The following MTCL1 variants were observed in gnomAD, a reference collection of about 807,000 sequenced individuals.
MTCL1 encodes the protein microtubule cross-linking factor 1.
In MTCL1, 79 loss-of-function variants were observed where a neutral mutation model predicts 141.4. The ratio of observed to expected loss-of-function variants is 0.56; its 90% CI spans 0.47 to 0.67. The LOEUF (loss-of-function observed/expected upper bound fraction) is 0.67. Among genes scored for constraint, MTCL1 ranks in the 30% least tolerant of loss-of-function variants. The pLI is 0.00. For synonymous variants in MTCL1, 914 were observed against 875.8 expected, an observed-to-expected ratio of 1.04 and a Z score of -0.77; for missense variants, 2,177 against 2,113.9, an observed-to-expected ratio of 1.03 and a Z score of -0.59.
At chr18:8,730,663 T>C (rs2096245493) in intron 4 of MTCL1, among the ~76,000 whole-genome samples, 2 of 152,198 alleles carry the variant, frequency 1.3e-5, no homozygotes, top group Admixed American at 6.5e-5. Flanking sequence ...TGCCTTCTTT[T>C]TATTTCCTGT....
At chr18:8,747,666 G>C (rs940773057) in intron 4 of MTCL1, among the ~76,000 whole-genome samples, 2 of 152,208 alleles carry the variant, frequency 1.3e-5, no homozygotes, top group Admixed American at 6.5e-5. Flanking sequence ...ATATTCCCCA[G>C]CACTGGGGGT....
chr18:8,721,787 C>T (rs999441430), intron 4 of MTCL1, among the ~76,000 whole-genome samples: 3 of 152,188 alleles, frequency 2.0e-5, no homozygotes, highest in Admixed American at 6.5e-5. Context: ...GTCTTTTATC[C>T]GTCCCCTCCT....
intron 4 of MTCL1, among the ~76,000 whole-genome samples, chr18:8,769,984 A>G (rs181735114): frequency 1.4e-3 from 207 of 152,350 alleles, no homozygotes; most frequent in Non-Finnish European, 2.0e-3. Flanking sequence ...AACCATTCCT[A>G]TAATAGTCCT....
At chr18:8,754,259 C>T (rs138888442) in intron 4 of MTCL1, among the ~76,000 whole-genome samples, 2 of 152,200 alleles carry the variant, frequency 1.3e-5, no homozygotes, top group East Asian at 1.9e-4. Context: ...TTAATAGAGA[C>T]GGGGTTTCAC....
At chr18:8,716,672 A>C (rs889146663), upstream of MTCL1, among the ~76,000 whole-genome samples, 3 of 149,182 alleles carry the variant, frequency 2.0e-5, no homozygotes, top group Non-Finnish European at 4.4e-5. Flanking sequence ...GATTAGCATG[A>C]GTGGTAAAAA....
At chr18:8,707,424 A>G (rs1001081832) in intron 1 of MTCL1, 7 of 152,286 alleles carry the variant, frequency 4.6e-5, no homozygotes, top group African/African-American at 1.5e-4. Flanking sequence ...CGCCTGCTGC[A>G]CTCTCTGAGT....
At chr18:8,801,865 G>A (rs1339313218) in intron 10 of MTCL1, 1 of 152,204 alleles carries the variant, frequency 6.6e-6, no homozygotes, top group African/African-American at 2.4e-5. Flanking sequence ...ACAGCCCAGA[G>A]CCCTCCTGGA....
At chr18:8,710,901 T>TTTA (rs2096086780) in intron 1 of MTCL1, among the ~76,000 whole-genome samples, 1 of 134,126 alleles carries the variant, frequency 7.5e-6, no homozygotes, top group African/African-American at 2.7e-5. Context: ...TTTTTTTTTT[T>TTTA]ATTATACTTT....
chr18:8,751,052 C>T (rs2096368357), intron 4 of MTCL1, among the ~76,000 whole-genome samples: 1 of 152,110 alleles, frequency 6.6e-6, no homozygotes, highest in Non-Finnish European at 1.5e-5. Flanking sequence ...GGCAGCGGGC[C>T]CCCAGAAGGA....
intron 4 of MTCL1, among the ~76,000 whole-genome samples, chr18:8,751,074 G>A (rs1205448463): frequency 6.6e-6 from 1 of 152,176 alleles, no homozygotes; most frequent in Non-Finnish European, 1.5e-5. Flanking sequence ...CAGTGGGTGT[G>A]GGCATCTGAC....
intron 8 of MTCL1, among the ~76,000 whole-genome samples, chr18:8,793,798 C>T (rs756725478): frequency 1.3e-5 from 2 of 152,184 alleles, no homozygotes; most frequent in African/African-American, 4.8e-5. Context: ...GTCTTTAAAA[C>T]GAAACAAAGC....
chr18:8,825,363 A>G, exon 15 of MTCL1: 1 of 1,539,018 alleles, frequency 6.5e-7, no homozygotes, highest in African/African-American at 1.4e-5. Context: ...TGATGACATG[A>G]AGGAGGTGGC....
At chr18:8,714,289 A>G (rs1365176192), upstream of MTCL1, among the ~76,000 whole-genome samples, 1 of 152,174 alleles carries the variant, frequency 6.6e-6, no homozygotes, top group Admixed American at 6.5e-5. Context: ...TATCAACTGC[A>G]TAATGTGTTC....
At chr18:8,786,668 T>A (rs990018668) in intron 7 of MTCL1, 5 of 272,758 alleles carry the variant, frequency 1.8e-5, no homozygotes, top group Non-Finnish European at 2.9e-5. Context: ...GGAAGTGTTG[T>A]CAGCAGCCTG....
chr18:8,724,334 C>T (rs1256229403), intron 4 of MTCL1, among the ~76,000 whole-genome samples: 1 of 151,998 alleles, frequency 6.6e-6, no homozygotes, highest in Non-Finnish European at 1.5e-5. Context: ...TTGCTTGAAC[C>T]CAGGAGGCAG....
At chr18:8,735,669 T>C (rs1488607196) in intron 4 of MTCL1, among the ~76,000 whole-genome samples, 2 of 152,002 alleles carry the variant, frequency 1.3e-5, no homozygotes, top group Admixed American at 6.6e-5. Context: ...GGGGTGGAAG[T>C]TGAATGAAAG....
At chr18:8,793,083 A>C (rs915659828) in exon 8 of MTCL1, 6 of 1,614,194 alleles carry the variant, frequency 3.7e-6, no homozygotes, top group Middle Eastern at 1.7e-4. Flanking sequence ...AGACTGCATC[A>C]AGAGGAGACA....
chr18:8,724,091 A>G (rs116977091), intron 4 of MTCL1, among the ~76,000 whole-genome samples: 1,877 of 152,126 alleles, frequency 0.012, 22 homozygotes, highest in Non-Finnish European at 0.015. Context: ...ACAACACGAG[A>G]ATGTACTCAG....
chr18:8,792,060 C>T (rs1163725705), intron 7 of MTCL1, among the ~76,000 whole-genome samples: 1 of 152,176 alleles, frequency 6.6e-6, no homozygotes, highest in African/African-American at 2.4e-5. Context: ...CAAACAGTAT[C>T]CTCAGGGAGA....
Sources: gnomAD v4.1 joint callset for allele counts (sites outside exome capture counted in the v4.1 genomes callset) on GRCh38, gnomAD v4.1.1 for gene constraint, MANE v1.5 for transcripts, NCBI Gene and HGNC (gene_info 2026-07-23, HGNC 2026-07-21) for gene names.